The following PLPPR3 variants were observed in gnomAD, a reference collection of about 807,000 sequenced individuals.
PLPPR3 encodes phospholipid phosphatase-related protein type 3.
Under a neutral mutation model 27.3 loss-of-function variants are expected in PLPPR3, and 14 were observed. The observed-to-expected ratio is 0.51, with a 90% CI of 0.34 to 0.80. The LOEUF (loss-of-function observed/expected upper bound fraction) is 0.80, where lower values mean the gene tolerates loss of function less well. PLPPR3 is among the 30% of genes least tolerant of loss of function. PLPPR3 has a pLI of 0.01. For synonymous variants in PLPPR3, 671 were observed against 508.0 expected, an observed-to-expected ratio of 1.32 and a Z score of -4.32; for missense variants, 1,287 against 1,056.9, an observed-to-expected ratio of 1.22 and a Z score of -3.02.
chr19:813,461 C>A lies in PLPPR3; in HGVS notation c.1266G>T (p.Gly422=). 1 of 1,535,120 alleles carries A rather than the reference C, an allele frequency of 6.5e-7. No individual in the cohort carries two copies. The highest frequency in any genetic ancestry group is 1.2e-5 in the South Asian group (1 of 83,918). ...GCCCGGGGCTGGCGTCGTCGGGCAG[C>A]CCCAGGCCGCGGCCCTCCAGGCTCT... ...KQKSLEGRGL[G]LPDDASPGHL... is the part of the protein sequence containing the mutation. Residue 422 remains glycine, a synonymous_variant, in exon 8 of 8, where the codon GGG becomes GGT. Coordinates refer to ENST00000520876, the MANE Select transcript of PLPPR3 (RefSeq NM_001270366.2). This position sits in a 1 kb window ranked among gnomAD's most constrained non-coding sequence, Gnocchi z 4.1.
At chr19:819,749 G>A (rs2035118669) in intron 2 of PLPPR3, among the ~76,000 whole-genome samples, 1 of 152,198 alleles carries the variant, frequency 6.6e-6, no homozygotes, top group Non-Finnish European at 1.5e-5. Context: ...ACGGGTCACT[G>A]CTTCCTTGAG....
At chr19:818,080 C>T (rs527945199) in intron 2 of PLPPR3, among the ~76,000 whole-genome samples, 1 of 152,204 alleles carries the variant, frequency 6.6e-6, no homozygotes, top group South Asian at 2.1e-4. Context: ...CTGGGCGCGG[C>T]CTTAAAAATA....
chr19:815,794 A>T lies in PLPPR3; in HGVS notation c.133T>A (p.Phe45Ile), dbSNP rs2035043627. ...SLYFLELTDL[F>I]KPAKVGFQCY... ...TGGAAGCCCACCTTGGCCGGCTTGA[A>T]GAGGTCGGTCAGCTCCAGGAAGTAC... The change falls in exon 3 of 8, where the codon TTC (phenylalanine) becomes ATC (isoleucine). Residue 45 changes from phenylalanine (F) to isoleucine (I), a missense_variant. Phe to Ile is a conservative substitution (Grantham distance 21). Coordinates refer to ENST00000520876, the MANE Select transcript of PLPPR3 (RefSeq NM_001270366.2). The T allele has an allele frequency of 6.2e-7, 1 of 1,612,812 alleles. No homozygotes were observed. Among genetic ancestry groups the T allele is most frequent in the African/African-American group, 1.3e-5 (1 of 75,036 alleles).
At position 815,671 on chromosome 19, in the gene PLPPR3, C is replaced by T. The variant is rs375585666; in HGVS notation, c.256G>A (p.Ala86Thr). The T allele has an allele frequency of 2.5e-5, 40 of 1,581,880 alleles. No homozygotes were observed. The highest frequency in any genetic ancestry group is 1.1e-4 in the South Asian group (10 of 87,580). Residue 86 changes from alanine (A) to threonine (T), a missense_variant, in exon 3 of 8, where the codon GCC becomes ACC. Physicochemically the swap from Ala to Thr is moderately conservative, Grantham distance 58. Coordinates refer to ENST00000520876, the MANE Select transcript of PLPPR3 (RefSeq NM_001270366.2). ...LLSLAFAAPA[A>T]SIMVAEGMLY... The stretch of plus-strand genomic sequence containing the variant: ...GCCCCGGTGCAGGTGCTCACCGAGG[C>T]GGCAGGGGCCGCGAAGGCCAAGCTG...
intron 2 of PLPPR3, among the ~76,000 whole-genome samples, chr19:819,734 C>T (rs555946096): frequency 1.3e-5 from 2 of 152,338 alleles, no homozygotes; most frequent in Non-Finnish European, 2.9e-5. Context: ...GGCCGTGTGA[C>T]CTGCACGGGT....
Position 815,340 on chromosome 19 carries a change from AG to A in PLPPR3, c.262-14del. ...CGGCCACCATGATCTGCCAACAGGG[AG>A]GGGGCGCTCAGGCCTCGGTGCCCAC... On this transcript the variant is annotated splice_polypyrimidine_tract_variant and intron_variant, in intron 3 of 7. Transcript: ENST00000520876. 1 of 1,532,692 alleles carries A rather than the reference AG, an allele frequency of 6.5e-7. No homozygotes were observed. The allele number at this position is 1,532,692 out of a possible 1,614,324, so 94.9% of individuals were successfully genotyped here.
chr19:813,144 GC>G lies in PLPPR3; in HGVS notation c.1582del (p.Ala528ArgfsTer54). The G allele has an allele frequency of 2.6e-6, 4 of 1,521,800 alleles. No individual in the cohort carries two copies. Among genetic ancestry groups the G allele is most frequent in the East Asian group, 2.6e-5 (1 of 37,992 alleles). The allele number at this position is 1,521,800 out of a possible 1,614,324, so 94.3% of individuals were successfully genotyped here. ...CAGCCGCGGAGGGTTGGCCACTGCC[GC>G]CCCGCTCTTCTCGGCCATCATGAGC... ...KWLMMAEKSG[A>X]AVANPPRLLQ... On this transcript the variant is annotated frameshift_variant, in exon 8 of 8. Coordinates refer to ENST00000520876, the MANE Select transcript of PLPPR3 (RefSeq NM_001270366.2). LOFTEE classifies it low-confidence loss of function (END_TRUNC). The surrounding 1 kb of genome is among the most constrained non-coding windows in gnomAD (Gnocchi z 4.1).
rs1249293743 is a variant in PLPPR3 at position 812,676 on chromosome 19, G to T, written c.2051C>A (p.Ser684Tyr). The change falls in exon 8 of 8, where the codon TCC (serine) becomes TAC (tyrosine). Residue 684 changes from serine (S) to tyrosine (Y), a missense_variant. Physicochemically the swap from Ser to Tyr is moderately radical, Grantham distance 144. Transcript: ENST00000520876. ...DGALGPGSRE[S>Y]TLRRHAGGLG... ...GCCGCCCGCGTGGCGCCGCAGCGTG[G>T]ACTCCCGGCTGCCCGGGCCCAGCGC... The T allele has an allele frequency of 2.9e-6, 3 of 1,051,748 alleles. No homozygotes were observed. The highest frequency in any genetic ancestry group is 3.4e-6 in the Non-Finnish European group (3 of 871,776). The allele number at this position is 1,051,748 out of a possible 1,614,324, so 65.2% of individuals were successfully genotyped here. A position where few individuals can be genotyped will look rare whatever the true frequency, so the allele number is the denominator to read the frequency against.
chr19:820,357 A>T (rs2035126217), intron 2 of PLPPR3, among the ~76,000 whole-genome samples: 2 of 151,122 alleles, frequency 1.3e-5, no homozygotes, highest in Admixed American at 1.3e-4. Flanking sequence ...TAATATTTTA[A>T]TTTTTTCTGT....
intron 4 of PLPPR3, 46 bp downstream of exon 4, chr19:815,140 C>T (rs1286025534): frequency 1.2e-6 from 2 of 1,601,022 alleles, no homozygotes; most frequent in Non-Finnish European, 1.7e-6. Flanking sequence ...GCCCCACCCC[C>T]TGCATGTGGA....
In PLPPR3 at chr19:814,376, C is replaced by T. The variant is rs1599257952; in HGVS notation, c.831+58G>A. ...ACTCAGGCCCTGTGGGCACTCATGC[C>T]TCCCCCCTCAGATCCCCTGGGAACC... On this transcript the variant is annotated intron_variant, in intron 7 of 7. Coordinates refer to ENST00000520876, the MANE Select transcript of PLPPR3 (RefSeq NM_001270366.2). The T allele has an allele frequency of 4.0e-6, 6 of 1,503,208 alleles. No homozygotes were observed. In the East Asian group the frequency reaches 9.5e-5, roughly 24 times the overall value. 93.1% of individuals were successfully genotyped at this position (1,503,208 alleles called of 1,614,324 possible). A position where few individuals can be genotyped will look rare whatever the true frequency, so the allele number is the denominator to read the frequency against.
rs1308090158 is a variant in PLPPR3 at position 819,078 on chromosome 19, G to A, written c.75+2407C>T. On this transcript the variant is annotated intron_variant, in intron 2 of 7. Coordinates refer to ENST00000520876, the MANE Select transcript of PLPPR3 (RefSeq NM_001270366.2). ...TGCAACCTCCACCTCCCGTCCTCAA[G>A]CGATTCTCCCACCTCAGCCTCCGGA... Among the ~76,000 whole-genome samples, 4 of 108,808 alleles carry A rather than the reference G, an allele frequency of 3.7e-5. 2 individuals are homozygous for A. The highest frequency in any genetic ancestry group is 8.5e-5 in the African/African-American group (2 of 23,494). The allele number at this position is 108,808 out of a possible 152,430, so 71.4% of individuals were successfully genotyped here.
chr19:822,916 C>T (rs1206641790), upstream of PLPPR3, among the ~76,000 whole-genome samples: 1 of 151,326 alleles, frequency 6.6e-6, no homozygotes, highest in Non-Finnish European at 1.5e-5. Flanking sequence ...GGCAGGAGTT[C>T]GAGACCAGCC....
chr19:813,303 C>A lies in PLPPR3; in HGVS notation c.1424G>T (p.Arg475Leu), dbSNP rs1033078006. 2.1e-6 allele frequency: 3 copies of A among 1,454,288 alleles called. No individual in the cohort carries two copies. Among genetic ancestry groups the A allele is most frequent in the Admixed American group, 5.7e-5 (2 of 34,794 alleles). 90.1% of individuals were successfully genotyped at this position (1,454,288 alleles called of 1,614,324 possible). A position where few individuals can be genotyped will look rare whatever the true frequency, so the allele number is the denominator to read the frequency against. ...PPSLYPTVQARPGLGPRVILP... is the reference protein window; with the variant it reads ...PPSLYPTVQALPGLGPRVILP... ...GATGACCCGAGGCCCCAGCCCCGGC[C>A]GCGCCTGCACGGTGGGGTAGAGCGA... The change falls in exon 8 of 8, where the codon CGG (arginine) becomes CTG (leucine). Residue 475 changes from arginine (R) to leucine (L), a missense_variant. By Grantham distance (102) the Arg-to-Leu change is moderately radical (BLOSUM62 -2). Coordinates refer to ENST00000520876, the MANE Select transcript of PLPPR3 (RefSeq NM_001270366.2). The surrounding 1 kb of genome is among the most constrained non-coding windows in gnomAD (Gnocchi z 4.1).
At chr19:821,764 A>C in intron 1 of PLPPR3, 151 bp downstream of exon 1, 1 of 330,358 alleles carries the variant, frequency 3.0e-6, no homozygotes, top group Non-Finnish European at 5.4e-6. Flanking sequence ...TACACCCGGG[A>C]TCGGGGGGTC....
rs773616996 is a variant in PLPPR3 at position 821,566 on chromosome 19, G to T, written c.-7C>A. Reference sequence around the variant, plus strand: ...TCTCCTTGGTGGAGATCATGGTGCCGCGGGCGCCGCAGGCCGTGGCTGGAG... The same window carrying T: ...TCTCCTTGGTGGAGATCATGGTGCCTCGGGCGCCGCAGGCCGTGGCTGGAG... On this transcript the variant is annotated 5_prime_UTR_variant, in exon 2 of 8. Coordinates refer to ENST00000520876, the MANE Select transcript of PLPPR3 (RefSeq NM_001270366.2). 3 of 1,478,150 alleles carry T rather than the reference G, an allele frequency of 2.0e-6. No homozygotes were observed. Among genetic ancestry groups the T allele is most frequent in the African/African-American group, 2.9e-5 (2 of 68,000 alleles). 91.6% of individuals were successfully genotyped at this position (1,478,150 alleles called of 1,614,324 possible). A position where few individuals can be genotyped will look rare whatever the true frequency, so the allele number is the denominator to read the frequency against.
At chr19:821,296 G>C (rs1290735879) in intron 2 of PLPPR3, among the ~76,000 whole-genome samples, 189 bp downstream of exon 2, 1 of 150,872 alleles carries the variant, frequency 6.6e-6, no homozygotes, top group Non-Finnish European at 1.5e-5. Context: ...GGTTCCTCTG[G>C]AGCTCCTACT....
chr19:813,510 T>C lies in PLPPR3; in HGVS notation c.1217A>G (p.Gln406Arg), dbSNP rs776020708. Residue 406 changes from glutamine to arginine, a missense_variant, in exon 8 of 8, where the codon CAG becomes CGG. Coordinates refer to ENST00000520876, the MANE Select transcript of PLPPR3 (RefSeq NM_001270366.2). The surrounding 1 kb of genome is among the most constrained non-coding windows in gnomAD (Gnocchi z 4.1). ...CTTCTGCTTCCACTCGCTGATGAGC[T>C]GCTTGGAGCGCGAGGCGTCCAGCGG... ...HVPLDASRSKQLISEWKQKSL... is the reference protein window; with the variant it reads ...HVPLDASRSKRLISEWKQKSL... The C allele has an allele frequency of 2.6e-6, 4 of 1,557,324 alleles. No individual in the cohort carries two copies. Among genetic ancestry groups the C allele is most frequent in the Non-Finnish European group, 3.5e-6 (4 of 1,154,340 alleles).
Position 819,279 on chromosome 19 carries a change from C to CTTTTTTTTTT in PLPPR3, c.75+2196_75+2205dup, listed in dbSNP as rs1252377454. ...GGCGTGAGCCACTGCACCCAGCCTA[C>CTTTTTTTTTT]TTTTTTTTTTTTTTTTTCCGAGATG... On this transcript the variant is annotated intron_variant, in intron 2 of 7. Transcript: ENST00000520876. 5.6e-4 allele frequency among the ~76,000 whole-genome samples: 34 copies of CTTTTTTTTTT among 60,964 alleles called. 3 individuals are homozygous for CTTTTTTTTTT. The highest frequency in any genetic ancestry group is 3.8e-3 in the African/African-American group (33 of 8,690). The allele number at this position is 60,964 out of a possible 152,430, so 40.0% of individuals were successfully genotyped here. A position where few individuals can be genotyped will look rare whatever the true frequency, so the allele number is the denominator to read the frequency against.
Sources: gnomAD v4.1 joint callset for allele counts (sites outside exome capture counted in the v4.1 genomes callset) on GRCh38, gnomAD v4.1.1 for gene constraint, Gnocchi (gnomAD v3.1) non-coding constraint, MANE v1.5 for transcripts, NCBI Gene and HGNC (gene_info 2026-07-23, HGNC 2026-07-21) for gene names.